The following KIF26B variants were observed in gnomAD, a reference collection of about 807,000 sequenced individuals.
KIF26B encodes the protein kinesin-like protein KIF26B.
In KIF26B, 63 loss-of-function variants were observed where a neutral mutation model predicts 151.2. The observed-to-expected ratio is 0.42, with a 90% CI of 0.34 to 0.51. The LOEUF is 0.51. KIF26B is among the 20% of genes least tolerant of loss of function. KIF26B has a pLI of 0.07. For synonymous variants in KIF26B, 1,357 were observed against 1,262.1 expected (o/e 1.08, Z -1.59); for missense variants, 2,813 against 2,913.6 (o/e 0.97, Z 0.79).
chr1:245,629,037 C>A (rs1259561544), intron 9 of KIF26B, among the ~76,000 whole-genome samples: 1 of 152,152 alleles, frequency 6.6e-6, no homozygotes, highest in African/African-American at 2.4e-5. Flanking sequence ...GAATACCTTA[C>A]AAGGAATGCG....
intron 5 of KIF26B, among the ~76,000 whole-genome samples, chr1:245,550,560 G>A (rs138270707): frequency 7.6e-4 from 116 of 152,352 alleles, no homozygotes; most frequent in African/African-American, 2.6e-3. Flanking sequence ...ACCCACCGGC[G>A]CAGTGGTTAG....
intron 2 of KIF26B, among the ~76,000 whole-genome samples, chr1:245,363,416 G>A (rs942278327): frequency 4.6e-5 from 7 of 152,062 alleles, no homozygotes; most frequent in Non-Finnish European, 1.0e-4. Flanking sequence ...GGCTGGTCTC[G>A]GACTCCTGAC....
intron 4 of KIF26B, among the ~76,000 whole-genome samples, chr1:245,485,308 T>G (rs1308098907): frequency 2.0e-5 from 3 of 152,008 alleles, no homozygotes; most frequent in Admixed American, 6.6e-5. Flanking sequence ...CAAGACATTG[T>G]GAATGCACTT....
At chr1:245,260,065 G>C (rs565728022) in intron 2 of KIF26B, among the ~76,000 whole-genome samples, 1 of 152,176 alleles carries the variant, frequency 6.6e-6, no homozygotes, top group East Asian at 1.9e-4. Flanking sequence ...TGTACCTCCT[G>C]CTGCTTTTTT....
At chr1:245,493,538 G>A (rs1660450974) in intron 4 of KIF26B, among the ~76,000 whole-genome samples, 1 of 152,228 alleles carries the variant, frequency 6.6e-6, no homozygotes. Context: ...GGCCTTTGGA[G>A]TGTAACCTTC....
At chr1:245,270,077 C>T (rs1670823123) in intron 2 of KIF26B, among the ~76,000 whole-genome samples, 1 of 152,214 alleles carries the variant, frequency 6.6e-6, no homozygotes, top group South Asian at 2.1e-4. Context: ...ACAAGGATTT[C>T]AGTTTCTCCA....
At chr1:245,275,061 TTC>T (rs1670915689) in intron 2 of KIF26B, among the ~76,000 whole-genome samples, 2 of 152,238 alleles carry the variant, frequency 1.3e-5, no homozygotes, top group Admixed American at 6.5e-5. Flanking sequence ...TGGTTTGCAT[TTC>T]TCTAATGACC....
In KIF26B at chr1:245,330,920, A is replaced by G. The variant is rs141905763; in HGVS notation, c.466-35914A>G. Among the ~76,000 whole-genome samples, 412 of 151,858 alleles carry G rather than the reference A, an allele frequency of 2.7e-3. 1 individual carries two copies. The highest frequency in any genetic ancestry group is 9.2e-3 in the African/African-American group (381 of 41,374). On this transcript the variant is annotated intron_variant, in intron 2 of 14. Transcript: ENST00000407071. The stretch of plus-strand genomic sequence containing the variant: ...CTTTTTTTAAAAGGCAGGCTCACCA[A>G]TGAGGTGCGGGAAGTCCCCGCAGAG...
intron 2 of KIF26B, among the ~76,000 whole-genome samples, chr1:245,236,395 C>A (rs1466019543): frequency 6.6e-6 from 1 of 152,080 alleles, no homozygotes; most frequent in African/African-American, 2.4e-5. Flanking sequence ...AATGTTGCCT[C>A]CATCATAGAT....
intron 4 of KIF26B, among the ~76,000 whole-genome samples, chr1:245,501,040 C>A (rs1490437510): frequency 6.6e-6 from 1 of 152,226 alleles, no homozygotes; most frequent in Admixed American, 6.5e-5. Flanking sequence ...GTGTTATAAG[C>A]ACTTTCAGAT....
At chr1:245,575,935 T>TC (rs770620069) in intron 5 of KIF26B, among the ~76,000 whole-genome samples, 16 of 152,216 alleles carry the variant, frequency 1.1e-4, no homozygotes, top group Admixed American at 3.9e-4. Context: ...TCCTGATGCT[T>TC]CCCGGGGGTG....
At chr1:245,521,380 T>C (rs1661105577) in intron 4 of KIF26B, among the ~76,000 whole-genome samples, 2 of 151,978 alleles carry the variant, frequency 1.3e-5, no homozygotes, top group South Asian at 4.2e-4. Flanking sequence ...CTCATGCTTC[T>C]ATACAATAAA....
At chr1:245,425,335 A>G (rs796531079) in intron 4 of KIF26B, among the ~76,000 whole-genome samples, 166 of 152,306 alleles carry the variant, frequency 1.1e-3, no homozygotes, top group African/African-American at 3.8e-3. Flanking sequence ...TGAAACAGAA[A>G]ATGAATCTTT....
chr1:245,359,193 A>G (rs1672763411), intron 2 of KIF26B, among the ~76,000 whole-genome samples: 4 of 151,812 alleles, frequency 2.6e-5, no homozygotes. Context: ...TAATTTTTGT[A>G]TTTTTAGTAG....
chr1:245,345,010 A>G (rs113067093), intron 2 of KIF26B, among the ~76,000 whole-genome samples: 2,210 of 152,190 alleles, frequency 0.015, 31 homozygotes, highest in South Asian at 0.027. Context: ...GTTCCATGGT[A>G]TCTTCACACG....
chr1:245,345,812 C>T (rs1672442235), intron 2 of KIF26B, among the ~76,000 whole-genome samples: 1 of 152,128 alleles, frequency 6.6e-6, no homozygotes, highest in Non-Finnish European at 1.5e-5. Context: ...TGGAAGCTGC[C>T]TGAGGCCTCC....
intron 10 of KIF26B, among the ~76,000 whole-genome samples, chr1:245,659,647 C>T (rs1042417856): frequency 3.3e-5 from 5 of 152,064 alleles, no homozygotes; most frequent in Non-Finnish European, 5.9e-5. Context: ...GCTTTTGCAC[C>T]AGTAGGACAG....
At chr1:245,454,592 T>C (rs1045709176) in intron 4 of KIF26B, among the ~76,000 whole-genome samples, 8 of 152,180 alleles carry the variant, frequency 5.3e-5, no homozygotes, top group African/African-American at 1.7e-4. Flanking sequence ...TACCTTCCAT[T>C]GGGAGCCTTC....
chr1:245,294,597 A>C (rs1357302847), intron 2 of KIF26B, among the ~76,000 whole-genome samples: 1 of 152,076 alleles, frequency 6.6e-6, no homozygotes, highest in Non-Finnish European at 1.5e-5. Context: ...CTGTATTAGG[A>C]ATAGAGAGAA....
Sources: allele counts gnomAD v4.1 joint callset (sites outside exome capture counted in the v4.1 genomes callset), GRCh38; gene constraint gnomAD v4.1.1; transcripts MANE v1.5; gene names NCBI Gene and HGNC (gene_info 2026-07-23, HGNC 2026-07-21).